Variants in CCDC62 observed in about 807,000 individuals in gnomAD.
CCDC62 encodes coiled-coil domain-containing protein 62.
Under a neutral mutation model 80.8 loss-of-function variants are expected in CCDC62, and 72 were observed. The observed-to-expected ratio is 0.89, with a 90% confidence interval of 0.74 to 1.08. The LOEUF (loss-of-function observed/expected upper bound fraction) is 1.08, where lower values mean the gene tolerates loss of function less well. CCDC62 is among the 50% of genes least tolerant of loss of function. The pLI is 0.00. For synonymous variants in CCDC62, 286 were observed against 296.5 expected, an observed-to-expected ratio of 0.96 and a Z score of 0.36; for missense variants, 704 against 809.4, an observed-to-expected ratio of 0.87 and a Z score of 1.58.
At chr12:122,779,465 T>G (rs1879687046) in intron 2 of CCDC62, among the ~76,000 whole-genome samples, 1 of 151,220 alleles carries the variant, frequency 6.6e-6, no homozygotes, top group African/African-American at 2.5e-5. Context: ...AGGGTCTTGT[T>G]AAAATTTAGA....
chr12:122,794,657 G>T (rs557975282), intron 6 of CCDC62, among the ~76,000 whole-genome samples: 3 of 152,082 alleles, frequency 2.0e-5, no homozygotes, highest in South Asian at 4.1e-4. Context: ...GCCTACAAAA[G>T]AATTTATTTA....
In CCDC62 at chr12:122,813,358, A is replaced by G. The variant is rs1806262186; in HGVS notation, c.1940A>G (p.Asp647Gly). 1.9e-6 allele frequency: 3 copies of G among 1,613,822 alleles called. No homozygotes were observed. In the Admixed American group the frequency reaches 5.0e-5, roughly 27 times the overall value. The change falls in exon 11 of 13, where the codon GAC becomes GGC. Residue 647 changes from aspartate (D) to glycine (G), a missense_variant. Physicochemically the swap from Asp to Gly is moderately conservative, Grantham distance 94. Transcript: ENST00000253079. The part of the protein sequence containing the change: ...LLAESRQMVT[D>G]LELSTLLPIS... Reference sequence around the variant, plus strand: ...GCGGAATCTCGTCAGATGGTGACGGACCTGGAGCTGAGCACACTGCTGCCC... The same window carrying G: ...GCGGAATCTCGTCAGATGGTGACGGGCCTGGAGCTGAGCACACTGCTGCCC...
At chr12:122,815,620 G>T (rs1392570505) in intron 11 of CCDC62, among the ~76,000 whole-genome samples, 1 of 151,420 alleles carries the variant, frequency 6.6e-6, no homozygotes, top group African/African-American at 2.4e-5. Flanking sequence ...CTAATTTTTT[G>T]CATTTTTTGG....
At chr12:122,805,509 C>CTTT (rs34211739) in intron 9 of CCDC62, among the ~76,000 whole-genome samples, 748 of 49,170 alleles carry the variant, frequency 0.015, 10 homozygotes, top group Non-Finnish European at 0.019. Flanking sequence ...ACACCCAGCT[C>CTTT]TTTTTTTTTT....
Position 122,781,260 on chromosome 12 carries a change from A to G in CCDC62, c.326A>G (p.Lys109Arg). Residue 109 changes from lysine to arginine, a missense_variant, in exon 3 of 13, where the codon AAG becomes AGG. Transcript: ENST00000253079. The part of the protein sequence containing the change: ...NQMECQTALQ[K>R]TQLQLQEMAQ... Reference sequence around the variant, plus strand: ...ATGGAATGCCAAACAGCTCTCCAAAAGACCCAACTACAGCTTCAGGAAATG... The same window carrying G: ...ATGGAATGCCAAACAGCTCTCCAAAGGACCCAACTACAGCTTCAGGAAATG... 1 of 1,614,156 alleles carries G rather than the reference A, an allele frequency of 6.2e-7. No individual in the cohort carries two copies. Among genetic ancestry groups the G allele is most frequent in the Non-Finnish European group, 8.5e-7 (1 of 1,179,988 alleles).
Position 122,801,428 on chromosome 12 carries a change from T to C in CCDC62, c.1282T>C (p.Cys428Arg). ...QIEPENKITL[C>R]KIHTKSPKCH... ...TGAACCCGAAAACAAAATTACATTG[T>C]GCAAGATCCACACAAAATCACCAAA... The change falls in exon 9 of 13, where the codon TGC (cysteine) becomes CGC (arginine). Residue 428 changes from cysteine to arginine, a missense_variant. Cys to Arg is a radical substitution (Grantham distance 180). Coordinates refer to ENST00000253079, the MANE Select transcript of CCDC62 (RefSeq NM_201435.5). 1 of 1,613,724 alleles carries C rather than the reference T, an allele frequency of 6.2e-7. No homozygotes were observed. The highest frequency in any genetic ancestry group is 8.5e-7 in the Non-Finnish European group (1 of 1,179,862).
intron 3 of CCDC62, among the ~76,000 whole-genome samples, chr12:122,783,645 C>G (rs1304769190): frequency 6.6e-6 from 1 of 151,996 alleles, no homozygotes; most frequent in Non-Finnish European, 1.5e-5. Flanking sequence ...TAGATAGTTT[C>G]TAGCTATAAA....
chr12:122,786,314 A>ATT (rs71085851), intron 4 of CCDC62, among the ~76,000 whole-genome samples: 8 of 147,756 alleles, frequency 5.4e-5, no homozygotes, highest in African/African-American at 4.9e-5. Flanking sequence ...CACCCGGCTA[A>ATT]TTTTTTTGTA....
chr12:122,785,857 G>C (rs2135536240), intron 4 of CCDC62, 37 bp downstream of exon 4: 1 of 1,350,730 alleles, frequency 7.4e-7, no homozygotes, highest in South Asian at 1.2e-5. Context: ...TTGCCAGAGT[G>C]CTTGGTAGTT....
At chr12:122,804,312 C>A (rs770276347) in intron 9 of CCDC62, among the ~76,000 whole-genome samples, 11 of 152,132 alleles carry the variant, frequency 7.2e-5, no homozygotes, top group Non-Finnish European at 1.6e-4. Context: ...CATGGTGAAA[C>A]CCTATCTCTA....
chr12:122,784,732 C>T (rs1284033282), intron 3 of CCDC62, among the ~76,000 whole-genome samples: 8 of 151,900 alleles, frequency 5.3e-5, no homozygotes, highest in Non-Finnish European at 7.4e-5. Context: ...CTACTCGGGA[C>T]ACTGAGGTGG....
intron 11 of CCDC62, among the ~76,000 whole-genome samples, chr12:122,816,143 T>A (rs995553619): frequency 3.3e-5 from 5 of 152,288 alleles, no homozygotes; most frequent in African/African-American, 1.2e-4. Context: ...AAACTAGAAA[T>A]TTTTCAAAGT....
In CCDC62 at chr12:122,823,342, ACTAATCT is replaced by A; in HGVS notation, c.2002-23_2002-17del. ...ATTTTTTAGTTTCTCTATCCTGAAT[ACTAATCT>A]GGGAGTTGTTTTCTAGAAGTCAGAG... is the stretch of plus-strand genomic sequence containing the variant. On this transcript the variant is annotated splice_polypyrimidine_tract_variant and intron_variant, in intron 11 of 12. Transcript: ENST00000253079. 6.3e-7 allele frequency: 1 copy of A among 1,583,028 alleles called. No individual in the cohort carries two copies. The highest frequency in any genetic ancestry group is 8.7e-7 in the Non-Finnish European group (1 of 1,152,376).
intron 6 of CCDC62, among the ~76,000 whole-genome samples, chr12:122,795,753 G>C (rs1000768063): frequency 6.6e-6 from 1 of 152,142 alleles, no homozygotes; most frequent in Admixed American, 6.6e-5. Context: ...ACATAACTAG[G>C]AGTAAGGAGT....
intron 3 of CCDC62, among the ~76,000 whole-genome samples, chr12:122,784,475 C>T (rs2030085949): frequency 1.3e-5 from 2 of 152,076 alleles, no homozygotes; most frequent in South Asian, 2.1e-4. Flanking sequence ...GAGCCAAGAC[C>T]ACGCCACTGC....
Position 122,801,405 on chromosome 12 carries a change from A to G in CCDC62, c.1259A>G (p.Glu420Gly). The G allele has an allele frequency of 1.2e-6, 2 of 1,614,164 alleles. No homozygotes were observed. Among genetic ancestry groups the G allele is most frequent in the Non-Finnish European group, 1.7e-6 (2 of 1,180,026 alleles). Reference sequence around the variant, plus strand: ...TCTCTGGGAGGAAAAACCCAGATTGAACCCGAAAACAAAATTACATTGTGC... The same window carrying G: ...TCTCTGGGAGGAAAAACCCAGATTGGACCCGAAAACAAAATTACATTGTGC... ...PWSLGGKTQI[E>G]PENKITLCKI... The change falls in exon 9 of 13, where the codon GAA becomes GGA. Residue 420 changes from glutamate (E) to glycine (G), a missense_variant. Glu to Gly is a moderately conservative substitution (Grantham distance 98). Coordinates refer to ENST00000253079, the MANE Select transcript of CCDC62 (RefSeq NM_201435.5).
At chr12:122,789,144 TTAAAG>T (rs1294774804) in intron 5 of CCDC62, among the ~76,000 whole-genome samples, 2 of 152,230 alleles carry the variant, frequency 1.3e-5, no homozygotes, top group African/African-American at 4.8e-5. Context: ...GTATCATATT[TTAAAG>T]TAATCCTGCC....
chr12:122,822,000 A>G (rs2649908), intron 11 of CCDC62, among the ~76,000 whole-genome samples: 12,892 of 147,746 alleles, frequency 0.087, 889 homozygotes, highest in East Asian at 0.24. Context: ...AGGCTGAGGC[A>G]GGAGGATCAC....
intron 12 of CCDC62, among the ~76,000 whole-genome samples, chr12:122,824,872 G>C (rs1187970450): frequency 6.6e-6 from 1 of 152,042 alleles, no homozygotes; most frequent in South Asian, 2.1e-4. Flanking sequence ...ATCACCTGAG[G>C]TCGGGAGTTT....
Sources: gnomAD v4.1 joint callset for allele counts (sites outside exome capture counted in the v4.1 genomes callset) on GRCh38, gnomAD v4.1.1 for gene constraint, MANE v1.5 for transcripts, NCBI Gene and HGNC (gene_info 2026-07-23, HGNC 2026-07-21) for gene names.